Variants in TRAPPC9 observed in about 807,000 individuals in gnomAD.
TRAPPC9 encodes IKK2 binding protein.
In TRAPPC9, 83 loss-of-function variants were observed where a neutral mutation model predicts 124.0. The ratio of observed to expected loss-of-function variants is 0.67; its 90% confidence interval spans 0.56 to 0.80. TRAPPC9 has a LOEUF of 0.80. Among genes scored for constraint, TRAPPC9 ranks in the 30% least tolerant of loss-of-function variants. TRAPPC9 has a pLI of 0.00. For synonymous variants in TRAPPC9, 638 were observed against 617.5 expected (o/e 1.03, Z -0.49); for missense variants, 1,302 against 1,508.3 (o/e 0.86, Z 2.27).
intron 10 of TRAPPC9, among the ~76,000 whole-genome samples, chr8:140,303,444 C>T (rs1435341422): frequency 6.6e-6 from 1 of 152,226 alleles, no homozygotes; most frequent in Non-Finnish European, 1.5e-5. Flanking sequence ...CTGTTGGCTA[C>T]TGTGTACACA....
chr8:139,923,941 C>G (rs1169989488), intron 19 of TRAPPC9, among the ~76,000 whole-genome samples: 1 of 152,018 alleles, frequency 6.6e-6, no homozygotes, highest in Non-Finnish European at 1.5e-5. Flanking sequence ...CTCATTTTCC[C>G]TAGATTAAAG....
intron 17 of TRAPPC9, among the ~76,000 whole-genome samples, chr8:140,048,624 A>T (rs6578062): frequency 0.76 from 114,812 of 152,050 alleles, 44,000 homozygotes; most frequent in African/African-American, 0.88. Flanking sequence ...TTTTCATCTA[A>T]CTGAAGCCCC....
intron 17 of TRAPPC9, among the ~76,000 whole-genome samples, chr8:140,121,976 G>A (rs1400975418): frequency 6.6e-6 from 1 of 151,964 alleles, no homozygotes; most frequent in Non-Finnish European, 1.5e-5. Flanking sequence ...TACATTACAT[G>A]AGACTGTAGG....
At position 140,353,204 on chromosome 8, in the gene TRAPPC9, T is replaced by A. The variant is rs1480321698; in HGVS notation, c.1495+6846A>T. Among the ~76,000 whole-genome samples the A allele has an allele frequency of 6.6e-6, 1 of 152,112 alleles. No homozygotes were observed. The highest frequency in any genetic ancestry group is 6.5e-5 in the Admixed American group (1 of 15,272). ...CCATCTATACTCTAGCGTGAGAACA[T>A]CACACTCCCTGCCATCCTAACCTGG... On this transcript the variant is annotated intron_variant, in intron 9 of 22. Coordinates refer to ENST00000438773, the MANE Select transcript of TRAPPC9 (RefSeq NM_001160372.4). The surrounding 1 kb of genome is among the most constrained non-coding windows in gnomAD (Gnocchi z 4.2).
Position 140,382,502 on chromosome 8 carries a change from TGGCTGGGAGGGTCCCACGCCC to T in TRAPPC9, c.1135-11343_1135-11323del, listed in dbSNP as rs372983539. Among the ~76,000 whole-genome samples, 363 of 152,266 alleles carry T rather than the reference TGGCTGGGAGGGTCCCACGCCC, an allele frequency of 2.4e-3. 2 individuals are homozygous for T. Among genetic ancestry groups the T allele is most frequent in the East Asian group, 0.018 (95 of 5,168 alleles). ...ACACCAGGAGATTATATCCCGCGCA[TGGCTGGGAGGGTCCCACGCCC>T]GGCTGGGAGGGTCCCACGCCCACGG... is the stretch of plus-strand genomic sequence containing the variant. On this transcript the variant is annotated intron_variant, in intron 7 of 22. Coordinates refer to ENST00000438773, the MANE Select transcript of TRAPPC9 (RefSeq NM_001160372.4).
chr8:140,148,985 G>A (rs1227084381), intron 17 of TRAPPC9, among the ~76,000 whole-genome samples: 3 of 152,132 alleles, frequency 2.0e-5, no homozygotes, highest in African/African-American at 7.2e-5. Context: ...ATGCATTTGG[G>A]GGTGGGTTTC....
chr8:140,223,592 C>T (rs1035444215), intron 16 of TRAPPC9, among the ~76,000 whole-genome samples: 36 of 152,312 alleles, frequency 2.4e-4, no homozygotes, highest in African/African-American at 8.2e-4. Context: ...GAAACTAAAG[C>T]TTCTTGTGAT....
At chr8:140,301,998 T>C (rs934678657) in intron 10 of TRAPPC9, among the ~76,000 whole-genome samples, 1 of 152,150 alleles carries the variant, frequency 6.6e-6, no homozygotes, top group Admixed American at 6.5e-5. Context: ...ATCACGAAGA[T>C]TTCAGGGTTA....
chr8:139,898,762 T>C (rs1487940115), intron 20 of TRAPPC9, among the ~76,000 whole-genome samples: 1 of 152,092 alleles, frequency 6.6e-6, no homozygotes, highest in Non-Finnish European at 1.5e-5. Context: ...TCCAACAGTA[T>C]CAGATCTCAA....
intron 16 of TRAPPC9, among the ~76,000 whole-genome samples, chr8:140,245,463 T>TGG (rs2063960303): frequency 9.3e-6 from 1 of 107,008 alleles, no homozygotes; most frequent in Admixed American, 8.6e-5. Flanking sequence ...CTTTGTTTTG[T>TGG]GGTGTGTGTG....
rs1395093068 is a variant in TRAPPC9, at chr8:140,104,613, G to A, written c.2557-80534C>T. 6.6e-6 allele frequency among the ~76,000 whole-genome samples: 1 copy of A among 152,166 alleles called. No homozygotes were observed. Among genetic ancestry groups the A allele is most frequent in the Non-Finnish European group, 1.5e-5 (1 of 68,042 alleles). ...TCTGAAATGCAGCAGCTCTGAGGCA[G>A]GGAGATGACAACGCAGGCGGCAGGA... On this transcript the variant is annotated intron_variant, in intron 17 of 22. Transcript: ENST00000438773. This position sits in a 1 kb window ranked among gnomAD's most constrained non-coding sequence, Gnocchi z 4.0.
At chr8:140,187,635 C>T (rs1286236016) in intron 17 of TRAPPC9, among the ~76,000 whole-genome samples, 3 of 152,178 alleles carry the variant, frequency 2.0e-5, no homozygotes, top group African/African-American at 7.2e-5. Context: ...CTGGAGCTAA[C>T]AAAAAGATAC....
intron 18 of TRAPPC9, among the ~76,000 whole-genome samples, chr8:140,022,064 T>C (rs1219283881): frequency 2.0e-5 from 3 of 152,126 alleles, no homozygotes; most frequent in Admixed American, 2.0e-4. Context: ...ATGGATGTCA[T>C]AGGAGGGACT....
chr8:139,974,795 A>G (rs1836327404), intron 19 of TRAPPC9, among the ~76,000 whole-genome samples: 1 of 152,056 alleles, frequency 6.6e-6, no homozygotes, highest in Non-Finnish European at 1.5e-5. Context: ...ACAGAAGACC[A>G]GCTCATGTGG....
intron 17 of TRAPPC9, among the ~76,000 whole-genome samples, chr8:140,128,813 C>G (rs1219063777): frequency 6.6e-6 from 1 of 152,098 alleles, no homozygotes; most frequent in Non-Finnish European, 1.5e-5. Flanking sequence ...GGCGATGGGT[C>G]AGTCCTAGGA....
intron 5 of TRAPPC9, among the ~76,000 whole-genome samples, chr8:140,425,914 TA>T (rs1169755471): frequency 6.6e-6 from 1 of 152,162 alleles, no homozygotes; most frequent in Non-Finnish European, 1.5e-5. Context: ...ACGCAAATGT[TA>T]AAACCAACGC....
At chr8:139,885,558 G>A (rs760636827) in intron 21 of TRAPPC9, among the ~76,000 whole-genome samples, 7 of 152,082 alleles carry the variant, frequency 4.6e-5, no homozygotes, top group African/African-American at 7.2e-5. Context: ...TTCGGAAGAC[G>A]GCCCACTCTA....
At chr8:140,282,213 TAAG>T (rs1312826799) in intron 14 of TRAPPC9, among the ~76,000 whole-genome samples, 1 of 152,030 alleles carries the variant, frequency 6.6e-6, no homozygotes, top group Non-Finnish European at 1.5e-5. Flanking sequence ...GTGCAAAAAT[TAAG>T]AACAGGCTGG....
At position 139,988,394 on chromosome 8, in the gene TRAPPC9, G is replaced by A. The variant is rs1358201478; in HGVS notation, c.2810+332C>T. On this transcript the variant is annotated intron_variant, in intron 19 of 22. Coordinates refer to ENST00000438773, the MANE Select transcript of TRAPPC9 (RefSeq NM_001160372.4). ...TCCCCAAAGTGTTAGGATTACAGGCGTGAGCCACCACACCCAGCCCAGATA... is the reference window on the plus strand; with the variant it reads ...TCCCCAAAGTGTTAGGATTACAGGCATGAGCCACCACACCCAGCCCAGATA... Among the ~76,000 whole-genome samples the A allele has an allele frequency of 2.6e-5, 4 of 152,046 alleles. No individual in the cohort carries two copies. In the East Asian group the frequency reaches 5.8e-4, roughly 22 times the overall value.
Sources: gnomAD v4.1 joint callset for allele counts (sites outside exome capture counted in the v4.1 genomes callset) on GRCh38, gnomAD v4.1.1 for gene constraint, Gnocchi (gnomAD v3.1) non-coding constraint, MANE v1.5 for transcripts, NCBI Gene and HGNC (gene_info 2026-07-23, HGNC 2026-07-21) for gene names.